The following SORCS1 variants were observed in gnomAD, a reference collection of about 807,000 sequenced individuals.
SORCS1 encodes the protein VPS10 domain-containing receptor SorCS1.
A neutral mutation model predicts 146.1 loss-of-function variants in SORCS1; 60 were observed. The observed-to-expected ratio is 0.41, with a 90% confidence interval of 0.33 to 0.51. The LOEUF (loss-of-function observed/expected upper bound fraction) is 0.51, where lower values mean the gene tolerates loss of function less well. Ranked by LOEUF, SORCS1 falls within the 20% of genes least tolerant of loss-of-function variation. The probability of loss-of-function intolerance (pLI) is 0.21; values close to 1 mark genes in which losing one functional copy is unlikely to be tolerated. For synonymous variants in SORCS1, 637 were observed against 584.0 expected, an observed-to-expected ratio of 1.09 and a Z score of -1.31; for missense variants, 1,352 against 1,487.6, an observed-to-expected ratio of 0.91 and a Z score of 1.50.
rs561269777 is a variant in SORCS1, at chr10:106,699,512, A to G, written c.1234-119T>C. 20 of 814,452 alleles carry G rather than the reference A, an allele frequency of 2.5e-5. No homozygotes were observed. The African/African-American group carries it at 3.0e-4, about 12-fold the overall frequency. The allele number at this position is 814,452 out of a possible 1,614,324, so 50.5% of individuals were successfully genotyped here. On this transcript the variant is annotated intron_variant, in intron 8 of 25. Coordinates refer to ENST00000263054, the MANE Select transcript of SORCS1 (RefSeq NM_052918.5). ...CAGAATGAGCACTTTAATGGAAGATAGCTTCCTTTTGCATATATAAGAAAT... is the reference window on the plus strand; with the variant it reads ...CAGAATGAGCACTTTAATGGAAGATGGCTTCCTTTTGCATATATAAGAAAT...
chr10:106,688,489 G>T, intron 9 of SORCS1, 151 bp from the exon 10 acceptor site: 1 of 773,382 alleles, frequency 1.3e-6, no homozygotes, highest in Non-Finnish European at 2.0e-6. Context: ...GTGGCTCAAG[G>T]TATAATGACT....
At chr10:107,040,880 G>A (rs1959124408) in intron 1 of SORCS1, among the ~76,000 whole-genome samples, 1 of 152,122 alleles carries the variant, frequency 6.6e-6, no homozygotes, top group Non-Finnish European at 1.5e-5. Flanking sequence ...CCCAGCAGAT[G>A]TATCTCCTGG....
At chr10:107,038,057 A>G (rs1422402784) in intron 1 of SORCS1, among the ~76,000 whole-genome samples, 3 of 152,180 alleles carry the variant, frequency 2.0e-5, no homozygotes, top group African/African-American at 2.4e-5. Flanking sequence ...TCCTGGCCTC[A>G]GGTGATCTGC....
chr10:106,989,225 G>A (rs1956629898), intron 1 of SORCS1, among the ~76,000 whole-genome samples: 1 of 133,534 alleles, frequency 7.5e-6, no homozygotes, highest in Admixed American at 8.6e-5. Flanking sequence ...AGCTGAGACT[G>A]CATCACCACA....
At chr10:106,755,973 C>G (rs1417409094) in intron 5 of SORCS1, among the ~76,000 whole-genome samples, 1 of 151,866 alleles carries the variant, frequency 6.6e-6, no homozygotes, top group Non-Finnish European at 1.5e-5. Flanking sequence ...TACTAAAATA[C>G]AAAAAATTAG....
chr10:106,924,466 GATCTATCT>G lies in SORCS1; in HGVS notation c.626+32039_626+32046del, dbSNP rs35692327. Among the ~76,000 whole-genome samples, 1,259 of 130,744 alleles carry G rather than the reference GATCTATCT, an allele frequency of 9.6e-3. 14 individuals are homozygous for G. Among genetic ancestry groups the G allele is most frequent in the South Asian group, 0.033 (135 of 4,120 alleles). 85.8% of individuals were successfully genotyped at this position (130,744 alleles called of 152,430 possible). On this transcript the variant is annotated intron_variant, in intron 2 of 25. Transcript: ENST00000263054. ...ATATTATGAAAATTCCACAGTTATC[GATCTATCT>G]ATCTATCTATCTATCTATCTATCTA...
intron 5 of SORCS1, among the ~76,000 whole-genome samples, chr10:106,760,408 C>T (rs1052678291): frequency 7.2e-6 from 1 of 139,274 alleles, no homozygotes; most frequent in Non-Finnish European, 1.5e-5. Context: ...CAGACCACTG[C>T]ACTCCAGCCT....
At chr10:106,849,225 A>G (rs1949440644) in intron 2 of SORCS1, among the ~76,000 whole-genome samples, 1 of 150,914 alleles carries the variant, frequency 6.6e-6, no homozygotes, top group East Asian at 1.9e-4. Context: ...AGGTACACCA[A>G]TCAGATGTAG....
intron 3 of SORCS1, among the ~76,000 whole-genome samples, chr10:106,800,941 A>G (rs145400241): frequency 6.6e-6 from 1 of 152,234 alleles, no homozygotes; most frequent in Non-Finnish European, 1.5e-5. Context: ...CCTGGGATTA[A>G]TGCTATCCCC....
rs191534668 is a variant in SORCS1, at chr10:107,080,401, C to T, written c.558+83568G>A. Among the ~76,000 whole-genome samples the T allele has an allele frequency of 2.0e-5, 3 of 152,314 alleles. No homozygotes were observed. In the East Asian group the frequency reaches 5.8e-4, roughly 29 times the overall value. ...TCACTCCAGCATTAGCCAGAAGGGACTGTGAACACTAACAATACTTTGAAT... is the reference window on the plus strand; with the variant it reads ...TCACTCCAGCATTAGCCAGAAGGGATTGTGAACACTAACAATACTTTGAAT... On this transcript the variant is annotated intron_variant, in intron 1 of 25. Coordinates refer to ENST00000263054, the MANE Select transcript of SORCS1 (RefSeq NM_052918.5).
intron 2 of SORCS1, among the ~76,000 whole-genome samples, chr10:106,945,979 G>C (rs1014978996): frequency 2.0e-5 from 3 of 152,182 alleles, no homozygotes; most frequent in African/African-American, 4.8e-5. Flanking sequence ...AATGCCTAGA[G>C]CTCTGTGGAA....
intron 3 of SORCS1, among the ~76,000 whole-genome samples, chr10:106,813,304 T>C (rs1352249271): frequency 2.0e-5 from 3 of 151,834 alleles, no homozygotes; most frequent in Non-Finnish European, 4.4e-5. Context: ...AGCTAATTTT[T>C]TGTATTTTTA....
At chr10:106,869,727 C>A (rs1003980172) in intron 2 of SORCS1, among the ~76,000 whole-genome samples, 1 of 152,130 alleles carries the variant, frequency 6.6e-6, no homozygotes, top group Non-Finnish European at 1.5e-5. Flanking sequence ...AAACCCACAG[C>A]CAACATCATA....
chr10:106,944,899 T>TTTG, intron 2 of SORCS1, among the ~76,000 whole-genome samples: 1 of 130,632 alleles, frequency 7.7e-6, no homozygotes, highest in East Asian at 2.4e-4. Context: ...TTTTTTTTTT[T>TTTG]TTTGGAGATG....
chr10:107,115,891 C>T (rs1966008545), intron 1 of SORCS1, among the ~76,000 whole-genome samples: 1 of 151,960 alleles, frequency 6.6e-6, no homozygotes. Context: ...GAAATTCATA[C>T]AACTCAATAG....
chr10:106,709,283 A>G lies in SORCS1; in HGVS notation c.1083T>C (p.Pro361=). The change falls in exon 7 of 26, where the codon CCT becomes CCC. Residue 361 remains proline (P), a synonymous_variant. Coordinates refer to ENST00000263054, the MANE Select transcript of SORCS1 (RefSeq NM_052918.5). The part of the protein sequence containing the change: ...QNCTEANRNQ[P]FPGYIDPDSL... ...AGTCTGGGTCAATGTAGCCTGGAAA[A>G]GGCTGATTCCTGTTGGCCTCTGTAC... 1 of 1,613,892 alleles carries G rather than the reference A, an allele frequency of 6.2e-7. No homozygotes were observed. Among genetic ancestry groups the G allele is most frequent in the South Asian group, 1.1e-5 (1 of 91,064 alleles).
At chr10:107,000,022 G>A (rs1277649144) in intron 1 of SORCS1, among the ~76,000 whole-genome samples, 1 of 152,208 alleles carries the variant, frequency 6.6e-6, no homozygotes. Flanking sequence ...AGGTGAGGAG[G>A]GAAGCAGAGA....
chr10:107,044,441 A>T (rs10787005), intron 1 of SORCS1, among the ~76,000 whole-genome samples: 137,951 of 149,490 alleles, frequency 0.92, 63,829 homozygotes, highest in East Asian at 1. Flanking sequence ...AAAACAAGCA[A>T]TGTAATTTAT....
chr10:107,050,965 G>T (rs72812913), intron 1 of SORCS1, among the ~76,000 whole-genome samples: 1,622 of 152,064 alleles, frequency 0.011, 15 homozygotes, highest in South Asian at 0.029. Flanking sequence ...TATAGTATGA[G>T]CCAGGTTCTG....
Sources: gnomAD v4.1 joint callset for allele counts (sites outside exome capture counted in the v4.1 genomes callset) on GRCh38, gnomAD v4.1.1 for gene constraint, MANE v1.5 for transcripts, NCBI Gene and HGNC (gene_info 2026-07-23, HGNC 2026-07-21) for gene names.